Variants in STMN1 observed in about 807,000 individuals in gnomAD.
The protein encoded by STMN1 is stathmin.
STMN1 carries 3 observed loss-of-function variants against 19.7 expected under a neutral mutation model. The ratio of observed to expected loss-of-function variants is 0.15; its 90% CI spans 0.07 to 0.39. The LOEUF (loss-of-function observed/expected upper bound fraction) is 0.39. STMN1 is among the 10% of genes least tolerant of loss of function. The pLI is 1.00. For synonymous variants in STMN1, 59 were observed against 58.9 expected (o/e 1.00, Z -0.01); for missense variants, 99 against 176.0 (o/e 0.56, Z 2.48).
chr1:25,897,074 G>A (rs778082322), downstream of STMN1, among the ~76,000 whole-genome samples: 2 of 152,170 alleles, frequency 1.3e-5, no homozygotes, highest in East Asian at 3.9e-4. Context: ...CAGCACTTTG[G>A]GAGGCTGAGG....
rs561161085 is a variant in STMN1, at chr1:25,890,662, A to G, written c.379-4793T>C. On this transcript the variant is annotated intron_variant, in intron 4 of 4. Transcript: ENST00000426559. ...GGGCTGCTCTCTGGCCACTAGAGCCAGGTAGTCATCTAGCTGCTGTTACAC... is the reference window on the plus strand; with the variant it reads ...GGGCTGCTCTCTGGCCACTAGAGCCGGGTAGTCATCTAGCTGCTGTTACAC... Among the ~76,000 whole-genome samples, 5 of 152,328 alleles carry G rather than the reference A, an allele frequency of 3.3e-5. No individual in the cohort carries two copies. The East Asian group carries it at 9.6e-4, about 29-fold the overall frequency.
At chr1:25,899,055 C>G (rs1257792212), downstream of STMN1, among the ~76,000 whole-genome samples, 4 of 152,178 alleles carry the variant, frequency 2.6e-5, no homozygotes. Flanking sequence ...TAAGATGCAT[C>G]CCCTTCAGTT....
Position 25,901,106 on chromosome 1 carries a change from G to A in STMN1, c.379-19C>T, listed in dbSNP as rs1396752184. 5 of 1,433,844 alleles carry A rather than the reference G, an allele frequency of 3.5e-6. No homozygotes were observed. The highest frequency in any genetic ancestry group is 4.7e-6 in the Non-Finnish European group (5 of 1,054,018). 88.8% of individuals were successfully genotyped at this position (1,433,844 alleles called of 1,614,324 possible). ...GCTTATCCTGTAAAGGAAGGGTAAG[G>A]TGTCATCAGTCAAAAAAAAAAAAAA... On this transcript the variant is annotated intron_variant, in intron 4 of 4. Transcript: ENST00000455785.
rs2048857090 is a variant in STMN1 at position 25,900,340 on chromosome 1, C to G, written c.*676G>C. ...AAAATGGTTGTTTGCAAATAAACAT[C>G]TGAAAGAAAGTAACAGCTGACCTGG... On this transcript the variant is annotated 3_prime_UTR_variant, in exon 5 of 5. Transcript: ENST00000455785. 2.0e-6 allele frequency: 2 copies of G among 985,818 alleles called. No individual in the cohort carries two copies. Among genetic ancestry groups the G allele is most frequent in the Non-Finnish European group, 2.4e-6 (2 of 829,934 alleles). 61.1% of individuals were successfully genotyped at this position (985,818 alleles called of 1,614,324 possible).
At chr1:25,896,925 C>T (rs1399446050), downstream of STMN1, among the ~76,000 whole-genome samples, 1 of 152,182 alleles carries the variant, frequency 6.6e-6, no homozygotes, top group African/African-American at 2.4e-5. Context: ...AGGTGGTCTG[C>T]AATCCAACCC....
At chr1:25,891,727 G>A (rs1318329591) in intron 4 of STMN1, among the ~76,000 whole-genome samples, 2 of 152,206 alleles carry the variant, frequency 1.3e-5, no homozygotes, top group Non-Finnish European at 2.9e-5. Context: ...AGGTGGGCCA[G>A]TGCAGCAGGC....
downstream of STMN1, chr1:25,900,103 C>G (rs2048854042): frequency 1.0e-6 from 1 of 985,764 alleles, no homozygotes; most frequent in African/African-American, 1.7e-5. Flanking sequence ...TCCCTTTAGT[C>G]ATTTCACAGG....
intron 2 of STMN1, among the ~76,000 whole-genome samples, chr1:25,904,253 A>C (rs1326793590): frequency 6.6e-6 from 1 of 152,108 alleles, no homozygotes; most frequent in African/African-American, 2.4e-5. Flanking sequence ...CTTGAGCTCC[A>C]GAAGTCAAGG....
At chr1:25,889,341 T>G (rs1453679163) in intron 4 of STMN1, among the ~76,000 whole-genome samples, 1 of 152,196 alleles carries the variant, frequency 6.6e-6, no homozygotes, top group Non-Finnish European at 1.5e-5. Context: ...TTTTCAGGTT[T>G]CTGTTATAAG....
chr1:25,885,483 G>C (rs141405796), exon 5 of STMN1: 251 of 395,278 alleles, frequency 6.3e-4, no homozygotes, highest in African/African-American at 3.0e-3. Context: ...GGCCCTCTAC[G>C]TTGGCAGTGT....
At chr1:25,900,095 C>T, downstream of STMN1, 1 of 985,694 alleles carries the variant, frequency 1.0e-6, no homozygotes, top group Non-Finnish European at 1.2e-6. Flanking sequence ...ATTAAGGTTC[C>T]CTTTAGTCAT....
At chr1:25,884,301 G>C (rs1296513425), downstream of STMN1, 1 of 152,052 alleles carries the variant, frequency 6.6e-6, no homozygotes, top group African/African-American at 2.4e-5. Flanking sequence ...CTCAGGGTAT[G>C]TTCAATTTTC....
In STMN1 at chr1:25,900,817, G is replaced by GA; in HGVS notation, c.*198dup. ...CTACATTAGAAAGACCAACACTTTA[G>GA]AAAAAGAGTAAAACACTTTCAGTTT... On this transcript the variant is annotated 3_prime_UTR_variant, in exon 5 of 5. Transcript: ENST00000455785. 7.2e-7 allele frequency: 1 copy of GA among 1,382,184 alleles called. No individual in the cohort carries two copies. The highest frequency in any genetic ancestry group is 9.3e-7 in the Non-Finnish European group (1 of 1,069,542). The allele number at this position is 1,382,184 out of a possible 1,614,324, so 85.6% of individuals were successfully genotyped here.
Position 25,901,533 on chromosome 1 carries a change from T to C in STMN1, c.336A>G (p.Arg112=), listed in dbSNP as rs199903671. Residue 112 remains arginine (R), a synonymous_variant, in exon 4 of 5, where the codon CGA becomes CGG. Coordinates refer to ENST00000455785, the MANE Select transcript of STMN1 (RefSeq NM_005563.4). ...THKMEANKEN[R]EAQMAAKLER... ...CCAGTTTGGCAGCCATTTGTGCCTC[T>C]CGGTTCTCTTTATTAGCTTCCATTT... 4.2e-5 allele frequency: 67 copies of C among 1,613,254 alleles called. No homozygotes were observed. The highest frequency in any genetic ancestry group is 5.3e-5 in the Non-Finnish European group (62 of 1,179,824).
chr1:25,892,716 G>T, intron 4 of STMN1: 1 of 423,006 alleles, frequency 2.4e-6, no homozygotes. Flanking sequence ...CCGGGCACAC[G>T]GGACAGCACT....
chr1:25,905,499 G>C (rs1403629930), intron 1 of STMN1: 1 of 152,212 alleles, frequency 6.6e-6, no homozygotes, highest in Non-Finnish European at 1.5e-5. Context: ...CCTGGTCCGG[G>C]CGAGGAAAAG....
Position 25,900,724 on chromosome 1 carries a change from T to C in STMN1, c.*292A>G, listed in dbSNP as rs2048862233. 1 of 1,171,932 alleles carries C rather than the reference T, an allele frequency of 8.5e-7. No homozygotes were observed. Among genetic ancestry groups the C allele is most frequent in the South Asian group, 3.1e-5 (1 of 32,524 alleles). The allele number at this position is 1,171,932 out of a possible 1,614,324, so 72.6% of individuals were successfully genotyped here. On this transcript the variant is annotated 3_prime_UTR_variant, in exon 5 of 5. Transcript: ENST00000455785. The stretch of plus-strand genomic sequence containing the variant: ...CACAAATATGTTTTCACAGAGCCAA[T>C]ACAGTACTAGCCATTAACCCAGTAC...
chr1:25,889,950 C>T (rs1208045109), intron 4 of STMN1, among the ~76,000 whole-genome samples: 2 of 152,200 alleles, frequency 1.3e-5, no homozygotes, highest in African/African-American at 4.8e-5. Context: ...CACCTGCCCA[C>T]AGTCATTGTC....
downstream of STMN1, among the ~76,000 whole-genome samples, chr1:25,896,094 T>G (rs371613190): frequency 3.9e-5 from 6 of 152,166 alleles, no homozygotes; most frequent in Non-Finnish European, 7.4e-5. Context: ...TGAGTAACAC[T>G]TGTGATACAT....
Sources: gnomAD v4.1 joint callset for allele counts (sites outside exome capture counted in the v4.1 genomes callset) on GRCh38, gnomAD v4.1.1 for gene constraint, MANE v1.5 for transcripts, NCBI Gene and HGNC (gene_info 2026-07-23, HGNC 2026-07-21) for gene names.